GPM6A: variants seen among roughly 807,000 people sequenced by gnomAD.
GPM6A encodes neuronal membrane glycoprotein M6-a.
GPM6A carries 7 observed loss-of-function variants against 32.1 expected under a neutral mutation model. The observed-to-expected ratio is 0.22, with a 90% CI of 0.12 to 0.41. The LOEUF (loss-of-function observed/expected upper bound fraction) is 0.41. Ranked by LOEUF, GPM6A falls within the 10% of genes least tolerant of loss-of-function variation. The pLI is 1.00. For missense variants in GPM6A, 235 were observed against 347.2 expected (o/e 0.68, Z 2.57); for synonymous variants, 130 against 123.4 (o/e 1.05, Z -0.35).
chr4:175,822,076 T>G (rs1473851193), intron 1 of GPM6A, among the ~76,000 whole-genome samples: 1 of 152,166 alleles, frequency 6.6e-6, no homozygotes, highest in African/African-American at 2.4e-5. Context: ...AGTTCCCTTC[T>G]AGTACACATT....
At chr4:175,791,759 T>TCA (rs537207132) in intron 1 of GPM6A, among the ~76,000 whole-genome samples, 3 of 152,098 alleles carry the variant, frequency 2.0e-5, no homozygotes, top group South Asian at 2.1e-4. Context: ...ACCCATTTAT[T>TCA]CACACACACA....
At chr4:175,946,333 T>C (rs1338849900) in intron 1 of GPM6A, among the ~76,000 whole-genome samples, 2 of 152,204 alleles carry the variant, frequency 1.3e-5, no homozygotes, top group Non-Finnish European at 2.9e-5. Context: ...ATTTATTCAT[T>C]GTGCCAACCA....
intron 4 of GPM6A, among the ~76,000 whole-genome samples, chr4:175,650,310 ATTTATT>A (rs990033895): frequency 1.7e-5 from 1 of 58,188 alleles, no homozygotes; most frequent in Admixed American, 1.8e-4. Flanking sequence ...TTATTTATTT[ATTTATT>A]TATTTTGAGA....
At chr4:175,762,303 A>G (rs1732780349) in intron 1 of GPM6A, among the ~76,000 whole-genome samples, 2 of 152,184 alleles carry the variant, frequency 1.3e-5, no homozygotes, top group Admixed American at 6.5e-5. Flanking sequence ...AACATCTATA[A>G]TTGGTATTAA....
intron 1 of GPM6A, among the ~76,000 whole-genome samples, chr4:175,877,458 G>A (rs548341199): frequency 6.6e-6 from 1 of 152,176 alleles, no homozygotes; most frequent in Admixed American, 6.5e-5. Flanking sequence ...TTGACTCACA[G>A]TTCTTCATGG....
chr4:175,636,291 T>C (rs970476763), intron 6 of GPM6A, among the ~76,000 whole-genome samples: 13 of 133,836 alleles, frequency 9.7e-5, no homozygotes, highest in African/African-American at 3.1e-4. Context: ...TATATATATA[T>C]ATATATACAT....
chr4:175,913,191 C>T (rs537867014), intron 1 of GPM6A, among the ~76,000 whole-genome samples: 10 of 152,250 alleles, frequency 6.6e-5, no homozygotes, highest in African/African-American at 2.4e-4. Flanking sequence ...TTTATAATAA[C>T]AATCTGAACC....
chr4:175,900,304 G>GAAGGA lies in GPM6A; in HGVS notation c.-22-88060_-22-88056dup, dbSNP rs70962429. On this transcript the variant is annotated intron_variant, in intron 1 of 7. Coordinates refer to the GPM6A transcript ENST00000280187. ...AAAAAAAAGAGAGAAGAAAAGAAAA[G>GAAGGA]AAGGAAAGGAAAGGAAAGGAAAGGA... Among the ~76,000 whole-genome samples the GAAGGA allele has an allele frequency of 1.4e-3, 175 of 128,104 alleles. 3 individuals carry two copies. The highest frequency in any genetic ancestry group is 4.4e-3 in the African/African-American group (147 of 33,090). 84.0% of individuals were successfully genotyped at this position (128,104 alleles called of 152,430 possible). A position where few individuals can be genotyped will look rare whatever the true frequency, so the allele number is the denominator to read the frequency against.
chr4:175,701,614 A>G lies in GPM6A; in HGVS notation c.191T>C (p.Met64Thr), dbSNP rs1050067511. 1 of 1,614,046 alleles carries G rather than the reference A, an allele frequency of 6.2e-7. No individual in the cohort carries two copies. The highest frequency in any genetic ancestry group is 8.5e-7 in the Non-Finnish European group (1 of 1,179,920). ...CAGTGTGTCTCCAGCAGTTCTTGCC[A>G]TCTCAAAGTAGGTTTGCAGAATGTT... ...TVNILQTYFEMARTAGDTLDV... is the reference protein window; with the variant it reads ...TVNILQTYFETARTAGDTLDV... Residue 64 changes from methionine to threonine, a missense_variant, in exon 2 of 7, where the codon ATG becomes ACG. This residue lies in a region of GPM6A where 101 missense variants were observed against 171.2 expected (regional missense o/e 0.59). Transcript: ENST00000393658.
In GPM6A at chr4:175,673,388, A is replaced by T. The variant is rs190446539; in HGVS notation, c.387+292T>A. The stretch of plus-strand genomic sequence containing the variant: ...GGAGATGAATTTTTCTGTGATTCTC[A>T]AGAGAATCACAGAGCCCTTTGGAAA... On this transcript the variant is annotated intron_variant, in intron 3 of 6. Coordinates refer to ENST00000393658, the MANE Select transcript of GPM6A (RefSeq NM_201591.3). Among the ~76,000 whole-genome samples the T allele has an allele frequency of 2.7e-3, 413 of 151,892 alleles. 2 individuals are homozygous for T. The highest frequency in any genetic ancestry group is 0.014 in the Middle Eastern group (4 of 294).
At chr4:175,821,530 A>G (rs1306355531) in intron 1 of GPM6A, among the ~76,000 whole-genome samples, 3 of 152,202 alleles carry the variant, frequency 2.0e-5, no homozygotes, top group Admixed American at 6.5e-5. Flanking sequence ...AATTAACTTC[A>G]TAGATTAATG....
At chr4:175,987,524 TTG>T (rs141045074) in intron 1 of GPM6A, among the ~76,000 whole-genome samples, 2,101 of 148,618 alleles carry the variant, frequency 0.014, 18 homozygotes, top group African/African-American at 0.029. Flanking sequence ...TAAAGTGTGT[TTG>T]TGTGTGTGTG....
chr4:175,978,401 A>G (rs576607744), intron 1 of GPM6A, among the ~76,000 whole-genome samples: 1 of 152,300 alleles, frequency 6.6e-6, no homozygotes, highest in East Asian at 1.9e-4. Flanking sequence ...TGGGGCTTAC[A>G]AAATTTGAGA....
At chr4:175,713,640 G>A (rs1745673775) in intron 1 of GPM6A, among the ~76,000 whole-genome samples, 1 of 152,048 alleles carries the variant, frequency 6.6e-6, no homozygotes, top group Admixed American at 6.6e-5. Context: ...GAACACAGAG[G>A]CATTACCAAA....
intron 1 of GPM6A, among the ~76,000 whole-genome samples, chr4:175,905,831 G>T (rs1049671464): frequency 2.1e-4 from 32 of 152,106 alleles, no homozygotes; most frequent in African/African-American, 7.0e-4. Flanking sequence ...TTGTGAAGAT[G>T]CAATGCCTTT....
chr4:175,774,786 T>A (rs1328492533), intron 1 of GPM6A, among the ~76,000 whole-genome samples: 1 of 152,102 alleles, frequency 6.6e-6, no homozygotes, highest in African/African-American at 2.4e-5. Context: ...TGAAGGACAT[T>A]TTTCCTGGGA....
chr4:175,751,745 G>C (rs76062779), intron 1 of GPM6A, among the ~76,000 whole-genome samples: 1 of 143,238 alleles, frequency 7.0e-6, no homozygotes, highest in Non-Finnish European at 1.5e-5. Flanking sequence ...CGATGCACCT[G>C]TTTTTTTTTT....
chr4:175,945,269 G>A (rs1352445050), intron 1 of GPM6A, among the ~76,000 whole-genome samples: 3 of 152,118 alleles, frequency 2.0e-5, no homozygotes, highest in Admixed American at 6.6e-5. Flanking sequence ...TAGATAAGCT[G>A]TGTAATCTAA....
intron 1 of GPM6A, among the ~76,000 whole-genome samples, chr4:175,945,078 A>T (rs571684968): frequency 1.9e-3 from 288 of 151,786 alleles, no homozygotes; most frequent in South Asian, 0.015. Context: ...GGTGTTTTTT[A>T]AAAAAAATTA....
Sources: allele counts gnomAD v4.1 joint callset (sites outside exome capture counted in the v4.1 genomes callset), GRCh38; gene constraint gnomAD v4.1.1; regional missense constraint gnomAD v4.1.1; transcripts MANE v1.5; gene names NCBI Gene and HGNC (gene_info 2026-07-23, HGNC 2026-07-21).